DYNC2LI1: variants seen among roughly 807,000 people sequenced by gnomAD.
DYNC2LI1 encodes cytoplasmic dynein 2 light intermediate chain 1.
Under a neutral mutation model 51.9 loss-of-function variants are expected in DYNC2LI1, and 45 were observed. The observed-to-expected ratio is 0.87, with a 90% CI of 0.68 to 1.11. The LOEUF is 1.11. Ranked by LOEUF, DYNC2LI1 falls within the 50% of genes most tolerant of loss-of-function variation. DYNC2LI1 has a pLI of 0.00. For missense variants in DYNC2LI1, 490 were observed against 417.4 expected, an observed-to-expected ratio of 1.17 and a Z score of -1.51; for synonymous variants, 130 against 137.8, an observed-to-expected ratio of 0.94 and a Z score of 0.40.
At chr2:43,799,975 A>G (rs887253153) in intron 8 of DYNC2LI1, among the ~76,000 whole-genome samples, 7 of 152,202 alleles carry the variant, frequency 4.6e-5, no homozygotes, top group Admixed American at 3.3e-4. Flanking sequence ...TTCTGTTCTT[A>G]ATCCAGAATG....
intron 9 of DYNC2LI1, 55 bp downstream of exon 9, chr2:43,800,972 T>G (rs1666060858): frequency 8.3e-7 from 1 of 1,202,098 alleles, no homozygotes; most frequent in East Asian, 2.5e-5. Flanking sequence ...TAGCCAATGT[T>G]GTCTCATCTG....
intron 10 of DYNC2LI1, among the ~76,000 whole-genome samples, chr2:43,802,089 A>G (rs117331408): frequency 6.6e-6 from 1 of 152,308 alleles, no homozygotes; most frequent in East Asian, 1.9e-4. Context: ...ATTAGCAAGT[A>G]TATGAGAGAC....
intron 1 of DYNC2LI1, among the ~76,000 whole-genome samples, chr2:43,775,142 CTT>C (rs1439456042): frequency 6.6e-6 from 1 of 152,076 alleles, no homozygotes; most frequent in Non-Finnish European, 1.5e-5. Flanking sequence ...AGCTGATACT[CTT>C]TTTTATTGGC....
chr2:43,820,878 T>C, the DYNC2LI1 span, among the ~76,000 whole-genome samples: 1 of 152,166 alleles, frequency 6.6e-6, no homozygotes, highest in East Asian at 1.9e-4. Flanking sequence ...GGTCTTGAAC[T>C]CCTGGCCTCA....
At position 43,774,102 on chromosome 2, in the gene DYNC2LI1, C is replaced by G. The variant is rs770023522; in HGVS notation, c.-37C>G. On this transcript the variant is annotated 5_prime_UTR_variant, in exon 1 of 13. Coordinates refer to ENST00000260605, the MANE Select transcript of DYNC2LI1 (RefSeq NM_016008.4). The stretch of plus-strand genomic sequence containing the variant: ...CCTGATTCTAGGCTGGTCACTACTC[C>G]GAGCCTGTGACGTTTGCGGCAGCCA... 1.2e-6 allele frequency: 2 copies of G among 1,613,256 alleles called. No individual in the cohort carries two copies. Among genetic ancestry groups the G allele is most frequent in the Non-Finnish European group, 8.5e-7 (1 of 1,179,718 alleles).
At chr2:43,797,809 T>A (rs1215658241) in intron 8 of DYNC2LI1, among the ~76,000 whole-genome samples, 1 of 151,974 alleles carries the variant, frequency 6.6e-6, no homozygotes, top group Non-Finnish European at 1.5e-5. Context: ...TGAGCCACCA[T>A]GCCTGGCCAA....
intron 8 of DYNC2LI1, among the ~76,000 whole-genome samples, chr2:43,800,270 T>C (rs1160487932): frequency 6.6e-6 from 1 of 152,196 alleles, no homozygotes; most frequent in East Asian, 1.9e-4. Flanking sequence ...CCTAGTTATA[T>C]ACCAGCACTG....
chr2:43,824,573 T>G, the DYNC2LI1 span: 11 of 1,556,142 alleles, frequency 7.1e-6, no homozygotes, highest in Non-Finnish European at 9.5e-6. Context: ...ACCTATAAAA[T>G]CAGAATACTT....
downstream of DYNC2LI1, chr2:43,812,825 G>C (rs188558738): frequency 8.5e-6 from 3 of 354,468 alleles, no homozygotes; most frequent in Non-Finnish European, 1.6e-5. Context: ...AAAAAAAATA[G>C]TCACACGAGT....
the DYNC2LI1 span, chr2:43,822,859 A>G: frequency 6.2e-7 from 1 of 1,614,156 alleles, no homozygotes; most frequent in Non-Finnish European, 8.5e-7. Context: ...CGTGCAGTGC[A>G]TAGGCCAGCA....
intron 1 of DYNC2LI1, among the ~76,000 whole-genome samples, chr2:43,774,750 G>T (rs1231620968): frequency 6.6e-6 from 1 of 152,226 alleles, no homozygotes; most frequent in Non-Finnish European, 1.5e-5. Context: ...CCTTGGGATA[G>T]TGTGGAGAAT....
chr2:43,790,387 A>G (rs886446024), intron 5 of DYNC2LI1, among the ~76,000 whole-genome samples: 2 of 152,232 alleles, frequency 1.3e-5, no homozygotes, highest in African/African-American at 4.8e-5. Context: ...CTTAGAGTTT[A>G]ACATAAACCA....
chr2:43,795,740 G>A lies in DYNC2LI1; in HGVS notation c.508-150G>A. 1.1e-5 allele frequency: 7 copies of A among 626,610 alleles called. No homozygotes were observed. In the South Asian group the frequency reaches 1.4e-4, roughly 13 times the overall value. The allele number at this position is 626,610 out of a possible 1,614,324, so 38.8% of individuals were successfully genotyped here. ...ATGAAATATAGCTTAGGAAGTGAAAGTTAAATATTAGAACAAATTCTATGT... is the reference window on the plus strand; with the variant it reads ...ATGAAATATAGCTTAGGAAGTGAAAATTAAATATTAGAACAAATTCTATGT... On this transcript the variant is annotated intron_variant, in intron 6 of 12. Coordinates refer to ENST00000260605, the MANE Select transcript of DYNC2LI1 (RefSeq NM_016008.4).
Position 43,789,618 on chromosome 2 carries a change from A to C in DYNC2LI1, c.232-15A>C, listed in dbSNP as rs1354535162. On this transcript the variant is annotated splice_polypyrimidine_tract_variant and intron_variant, in intron 4 of 12. Transcript: ENST00000260605. Reference sequence around the variant, plus strand: ...GTACTTAAACTTCAAAAAATCAAAAATTTTTGTTTTTCAGCCAAAAGATAT... The same window carrying C: ...GTACTTAAACTTCAAAAAATCAAAACTTTTTGTTTTTCAGCCAAAAGATAT... 6.2e-7 allele frequency: 1 copy of C among 1,611,320 alleles called. No homozygotes were observed. Among genetic ancestry groups the C allele is most frequent in the African/African-American group, 1.3e-5 (1 of 74,734 alleles).
chr2:43,820,901 A>G, the DYNC2LI1 span, among the ~76,000 whole-genome samples: 1 of 152,066 alleles, frequency 6.6e-6, no homozygotes, highest in Admixed American at 6.6e-5. Flanking sequence ...TGATCTGCCC[A>G]TCTCAGCCTC....
chr2:43,805,010 C>T (rs1666198571), intron 11 of DYNC2LI1, 144 bp from the exon 12 acceptor site: 3 of 569,740 alleles, frequency 5.3e-6, no homozygotes, highest in Admixed American at 3.5e-5. Context: ...TGGAAGTGGG[C>T]CTCAGTGGTG....
chr2:43,816,500 T>C, the DYNC2LI1 span, among the ~76,000 whole-genome samples: 4 of 152,196 alleles, frequency 2.6e-5, no homozygotes, highest in Non-Finnish European at 5.9e-5. Flanking sequence ...ACCATAGATC[T>C]GGATGTATTG....
chr2:43,780,266 C>T (rs1049550210), intron 2 of DYNC2LI1, among the ~76,000 whole-genome samples: 4 of 152,084 alleles, frequency 2.6e-5, no homozygotes, highest in Admixed American at 2.6e-4. Flanking sequence ...TGGAAGTGAC[C>T]ATGGCAGAAG....
rs763733041 is a variant in DYNC2LI1 at position 43,794,536 on chromosome 2, A to G, written c.400A>G (p.Thr134Ala). 3.1e-6 allele frequency: 5 copies of G among 1,614,116 alleles called. No homozygotes were observed. The highest frequency in any genetic ancestry group is 4.2e-6 in the Non-Finnish European group (5 of 1,180,010). Residue 134 changes from threonine to alanine, a missense_variant, in exon 6 of 13, where the codon ACA (threonine) becomes GCA (alanine). By Grantham distance (58) the Thr-to-Ala change is moderately conservative (BLOSUM62 0). Coordinates refer to ENST00000260605, the MANE Select transcript of DYNC2LI1 (RefSeq NM_016008.4). Reference protein sequence around the residue: ...WPTMENLLQATKSHVDKVIMK... With the variant: ...WPTMENLLQAAKSHVDKVIMK... ...CACCATGGAAAATCTCTTGCAAGCC[A>G]CAAAAAGCCATGTAGACAAAGTGAT...
Sources: gnomAD v4.1 joint callset for allele counts (sites outside exome capture counted in the v4.1 genomes callset) on GRCh38, gnomAD v4.1.1 for gene constraint, MANE v1.5 for transcripts, NCBI Gene and HGNC (gene_info 2026-07-23, HGNC 2026-07-21) for gene names.